TMEM116: variants seen among roughly 807,000 people sequenced by gnomAD.
TMEM116 encodes the protein transmembrane protein 116.
TMEM116 carries 38 observed loss-of-function variants against 44.3 expected under a neutral mutation model. The ratio of observed to expected loss-of-function variants is 0.86; its 90% CI spans 0.66 to 1.12. The LOEUF (loss-of-function observed/expected upper bound fraction) is 1.12, where lower values mean the gene tolerates loss of function less well. Ranked by LOEUF, TMEM116 falls within the 50% of genes most tolerant of loss-of-function variation. The pLI is 0.00. For missense variants in TMEM116, 354 were observed against 401.7 expected (o/e 0.88, Z 1.01); for synonymous variants, 132 against 144.8 (o/e 0.91, Z 0.64).
intron 5 of TMEM116, among the ~76,000 whole-genome samples, chr12:111,942,213 C>T (rs1446951299): frequency 6.6e-6 from 1 of 152,130 alleles, no homozygotes; most frequent in Non-Finnish European, 1.5e-5. Flanking sequence ...GCTAGGATTA[C>T]AGGTGTGAGC....
chr12:112,000,150 T>C lies in TMEM116; in HGVS notation c.78+3650A>G, dbSNP rs780708157. The stretch of plus-strand genomic sequence containing the variant: ...CAATTCTCCTTGATATATCAGAGAG[T>C]ATTACTCCTCAATAGTGTCTATAAA... On this transcript the variant is annotated intron_variant, in intron 3 of 10. Transcript: ENST00000552374. Among the ~76,000 whole-genome samples, 7 of 152,264 alleles carry C rather than the reference T, an allele frequency of 4.6e-5. No individual in the cohort carries two copies. The East Asian group carries it at 9.6e-4, about 21-fold the overall frequency.
intron 4 of TMEM116, among the ~76,000 whole-genome samples, chr12:111,975,611 G>A (rs1050151038): frequency 2.0e-5 from 3 of 152,254 alleles, no homozygotes. Context: ...AGGGACTTCT[G>A]GTTTCAGTTC....
chr12:111,982,225 T>C (rs965601531), intron 4 of TMEM116, among the ~76,000 whole-genome samples: 2 of 152,090 alleles, frequency 1.3e-5, no homozygotes, highest in Non-Finnish European at 2.9e-5. Flanking sequence ...AGGTAATGGA[T>C]ATGTTGACTA....
intron 4 of TMEM116, among the ~76,000 whole-genome samples, chr12:111,983,387 A>G (rs2076055030): frequency 6.6e-6 from 1 of 151,902 alleles, no homozygotes; most frequent in Non-Finnish European, 1.5e-5. Flanking sequence ...GGTTGCAGTG[A>G]GCTGAGATCA....
chr12:111,945,073 T>TAA (rs1231486290), intron 4 of TMEM116, among the ~76,000 whole-genome samples: 1,123 of 56,514 alleles, frequency 0.02, 19 homozygotes, highest in South Asian at 0.036. Context: ...AGACTCCATC[T>TAA]AAAAAAAAAA....
At chr12:111,958,049 C>T (rs1310278122) in intron 4 of TMEM116, among the ~76,000 whole-genome samples, 24 of 152,078 alleles carry the variant, frequency 1.6e-4, no homozygotes, top group African/African-American at 5.8e-4. Flanking sequence ...GCAAGATGTG[C>T]TTTGTTAAAC....
chr12:112,002,493 C>T (rs1056980757), intron 3 of TMEM116, among the ~76,000 whole-genome samples: 1 of 148,944 alleles, frequency 6.7e-6, no homozygotes, highest in Non-Finnish European at 1.5e-5. Flanking sequence ...TGAACCTGGG[C>T]GGCAGACATT....
chr12:111,960,676 C>G (rs2074518916), intron 4 of TMEM116, among the ~76,000 whole-genome samples: 1 of 152,016 alleles, frequency 6.6e-6, no homozygotes, highest in South Asian at 2.1e-4. Context: ...ACAGCCAAAG[C>G]AGTGTTTAGA....
intron 4 of TMEM116, among the ~76,000 whole-genome samples, chr12:111,969,862 G>A (rs1211387574): frequency 6.6e-6 from 1 of 152,058 alleles, no homozygotes; most frequent in African/African-American, 2.4e-5. Flanking sequence ...TTACAGGTGT[G>A]AGCCACTGCG....
At chr12:112,005,624 G>T in intron 1 of TMEM116, 1 of 893,134 alleles carries the variant, frequency 1.1e-6, no homozygotes, top group Non-Finnish European at 1.3e-6. Flanking sequence ...CACTTTGAGA[G>T]GCTGAGGTAA....
intron 4 of TMEM116, among the ~76,000 whole-genome samples, chr12:111,960,421 G>A (rs2074489400): frequency 6.7e-6 from 1 of 149,244 alleles, no homozygotes; most frequent in Non-Finnish European, 1.5e-5. Context: ...GAACCCGGGA[G>A]GCAGAGCTTG....
In TMEM116 at chr12:112,003,807, G is replaced by C. The variant is rs1426629312; in HGVS notation, c.71C>G (p.Ser24Cys). ...CAAAGAGAAATCACTCACCTCTGGA[G>C]ATTTCTGTATATTATGGAATACAGC... is the stretch of plus-strand genomic sequence containing the variant. ...AYAVFHNIQK[S>C]PEIRPLFYLS... Residue 24 changes from serine (S) to cysteine (C), a missense_variant, in exon 3 of 11, where the codon TCT becomes TGT. Physicochemically the swap from Ser to Cys is moderately radical, Grantham distance 112. Coordinates refer to ENST00000552374, the MANE Select transcript of TMEM116 (RefSeq NM_001193531.2). 4.0e-6 allele frequency: 6 copies of C among 1,512,958 alleles called. No homozygotes were observed. In the East Asian group the frequency reaches 1.5e-4, roughly 38 times the overall value. The allele number at this position is 1,512,958 out of a possible 1,614,324, so 93.7% of individuals were successfully genotyped here. A position where few individuals can be genotyped will look rare whatever the true frequency, so the allele number is the denominator to read the frequency against.
At chr12:111,979,068 A>G (rs2075812614) in intron 4 of TMEM116, among the ~76,000 whole-genome samples, 1 of 152,218 alleles carries the variant, frequency 6.6e-6, no homozygotes, top group African/African-American at 2.4e-5. Flanking sequence ...TGTCTAGAAG[A>G]TAACATAGGA....
Position 112,009,062 on chromosome 12 carries a change from A to C in TMEM116, c.-33-3759T>G, listed in dbSNP as rs1339555091. Among the ~76,000 whole-genome samples, 4 of 152,234 alleles carry C rather than the reference A, an allele frequency of 2.6e-5. No individual in the cohort carries two copies. The South Asian group carries it at 8.3e-4, about 32-fold the overall frequency. ...GTATCTTAGTAAAATTACTGCCAATAAAATGAAGTTTGGAACAAAAGCAAG... is the reference window on the plus strand; with the variant it reads ...GTATCTTAGTAAAATTACTGCCAATCAAATGAAGTTTGGAACAAAAGCAAG... On this transcript the variant is annotated intron_variant, in intron 1 of 10. Coordinates refer to ENST00000552374, the MANE Select transcript of TMEM116 (RefSeq NM_001193531.2).
chr12:111,960,491 CAAAAAAAA>C (rs545322547), intron 4 of TMEM116, among the ~76,000 whole-genome samples: 1 of 28,574 alleles, frequency 3.5e-5, no homozygotes, highest in Non-Finnish European at 6.7e-5. Flanking sequence ...GACTCCGTCT[CAAAAAAAA>C]AAAAAAAAAA....
At chr12:111,938,504 A>C (rs1430766093) in intron 5 of TMEM116, among the ~76,000 whole-genome samples, 1 of 152,196 alleles carries the variant, frequency 6.6e-6, no homozygotes, top group Non-Finnish European at 1.5e-5. Flanking sequence ...ACTCAAACAA[A>C]TTCTTTTAAA....
At chr12:111,948,074 G>T (rs1024057540) in intron 4 of TMEM116, among the ~76,000 whole-genome samples, 1 of 152,048 alleles carries the variant, frequency 6.6e-6, no homozygotes, top group African/African-American at 2.4e-5. Context: ...AAAACTGGTC[G>T]GGCCAAGGAT....
At chr12:111,959,826 A>G (rs770927705) in intron 4 of TMEM116, among the ~76,000 whole-genome samples, 6 of 152,228 alleles carry the variant, frequency 3.9e-5, no homozygotes, top group Admixed American at 1.3e-4. Context: ...ATATATATGC[A>G]CCCAATACAG....
chr12:111,979,989 C>T (rs1335139748), intron 4 of TMEM116, among the ~76,000 whole-genome samples: 3 of 152,110 alleles, frequency 2.0e-5, no homozygotes, highest in Admixed American at 6.5e-5. Flanking sequence ...GGAATGAAAG[C>T]GGGTACAGCC....
Sources: gnomAD v4.1 joint callset for allele counts (sites outside exome capture counted in the v4.1 genomes callset) on GRCh38, gnomAD v4.1.1 for gene constraint, MANE v1.5 for transcripts, NCBI Gene and HGNC (gene_info 2026-07-23, HGNC 2026-07-21) for gene names.